The following TSKS variants were observed in gnomAD, a reference collection of about 807,000 sequenced individuals.
TSKS encodes testis specific serine kinase substrate, also known as testis-specific serine kinase substrate.
Under a neutral mutation model 68.0 loss-of-function variants are expected in TSKS, and 27 were observed. That is an observed-to-expected ratio of 0.40 (90% CI 0.29 to 0.55). The LOEUF is 0.55. Ranked by LOEUF, TSKS falls within the 20% of genes least tolerant of loss-of-function variation. The pLI, the probability that TSKS is intolerant of heterozygous loss-of-function variation, is 0.53. For synonymous variants in TSKS, 331 were observed against 340.4 expected, an observed-to-expected ratio of 0.97 and a Z score of 0.30; for missense variants, 806 against 776.0, an observed-to-expected ratio of 1.04 and a Z score of -0.46.
chr19:49,754,866 A>C (rs371920652), intron 2 of TSKS, among the ~76,000 whole-genome samples: 3 of 152,126 alleles, frequency 2.0e-5, no homozygotes, highest in African/African-American at 7.2e-5. Context: ...TTGGGAGGCC[A>C]AGGCAGGCGG....
intron 2 of TSKS, among the ~76,000 whole-genome samples, chr19:49,759,163 AT>A (rs949794426): frequency 2.0e-5 from 3 of 151,202 alleles, no homozygotes; most frequent in African/African-American, 7.3e-5. Context: ...GGCCTCAAAT[AT>A]TTTTTTAAAA....
chr19:49,749,417 C>T (rs1461541090), intron 2 of TSKS, among the ~76,000 whole-genome samples: 3 of 152,236 alleles, frequency 2.0e-5, no homozygotes, highest in Non-Finnish European at 2.9e-5. Context: ...AAGTGTTGTG[C>T]GACTCCTGCC....
chr19:49,743,085 G>GT (rs768515300), intron 8 of TSKS, among the ~76,000 whole-genome samples: 2,296 of 142,994 alleles, frequency 0.016, 51 homozygotes, highest in African/African-American at 0.046. Context: ...TGTACTAAGT[G>GT]TTTTTTTTTT....
Position 49,748,070 on chromosome 19 carries a change from G to A in TSKS, c.579+15C>T, listed in dbSNP as rs543117864. On this transcript the variant is annotated intron_variant, in intron 4 of 10. Transcript: ENST00000246801. ...TTCCCCTCTCCCCATCCATTCCTGCGTCCCACTGGCTCACCTTGAGTTGAA... is the reference window on the plus strand; with the variant it reads ...TTCCCCTCTCCCCATCCATTCCTGCATCCCACTGGCTCACCTTGAGTTGAA... The A allele has an allele frequency of 1.7e-5, 27 of 1,612,678 alleles. No homozygotes were observed. Among genetic ancestry groups the A allele is most frequent in the South Asian group, 9.9e-5 (9 of 91,018 alleles).
Position 49,744,368 on chromosome 19 carries a change from C to G in TSKS, c.1224G>C (p.Arg408Ser). 1 of 1,614,082 alleles carries G rather than the reference C, an allele frequency of 6.2e-7. No individual in the cohort carries two copies. The highest frequency in any genetic ancestry group is 8.5e-7 in the Non-Finnish European group (1 of 1,180,022). The change falls in exon 8 of 11, where the codon AGG becomes AGC. Residue 408 changes from arginine to serine, a missense_variant. Coordinates refer to ENST00000246801, the MANE Select transcript of TSKS (RefSeq NM_021733.2). Reference sequence around the variant, plus strand: ...GTGGGCCCAGCCCCTCCAGTTCGCTCCTCAGTGAAGCCACAGACACTGCTG... The same window carrying G: ...GTGGGCCCAGCCCCTCCAGTTCGCTGCTCAGTGAAGCCACAGACACTGCTG... The part of the protein sequence containing the change: ...ERSAVSVASL[R>S]SELEGLGPLK...
chr19:49,751,766 T>C (rs1442775430), intron 2 of TSKS, among the ~76,000 whole-genome samples: 1 of 151,742 alleles, frequency 6.6e-6, no homozygotes, highest in East Asian at 1.9e-4. Context: ...AATCTCATGT[T>C]AAAATGTCAT....
chr19:49,762,361 GT>G (rs1414967585), intron 1 of TSKS, 129 bp from the exon 2 acceptor site: 10 of 630,954 alleles, frequency 1.6e-5, no homozygotes, highest in Non-Finnish European at 1.9e-5. Context: ...TCCCTTCTCT[GT>G]CCCCGCTGCC....
chr19:49,758,659 T>G (rs765851708), intron 2 of TSKS, among the ~76,000 whole-genome samples: 22 of 152,186 alleles, frequency 1.4e-4, no homozygotes, highest in East Asian at 1.4e-3. Flanking sequence ...CCCTGGACCC[T>G]CGCCCAGGCT....
rs769543058 is a variant in TSKS at position 49,748,389 on chromosome 19, G to C, written c.480C>G (p.His160Gln). 2 of 1,614,090 alleles carry C rather than the reference G, an allele frequency of 1.2e-6. No homozygotes were observed. Among genetic ancestry groups the C allele is most frequent in the Admixed American group, 3.3e-5 (2 of 60,002 alleles). The change falls in exon 3 of 11, where the codon CAC becomes CAG. Residue 160 changes from histidine to glutamine, a missense_variant. Physicochemically the swap from His to Gln is conservative, Grantham distance 24 (BLOSUM62 0). Transcript: ENST00000246801. ...GTCCTCACACCTGCAGAGACTGCAC[G>C]TGCTGGTTAACCCGGTTGGTCTTTT... is the stretch of plus-strand genomic sequence containing the variant. ...LKEKTNRVNQ[H>Q]VQSLQSECSV... is the part of the protein sequence containing the mutation.
chr19:49,760,090 G>T (rs894420215), intron 2 of TSKS, among the ~76,000 whole-genome samples: 10 of 151,820 alleles, frequency 6.6e-5, no homozygotes, highest in Non-Finnish European at 4.4e-5. Flanking sequence ...GGTGGAGTTT[G>T]CAGTGAGCCA....
At chr19:49,745,631 C>T (rs891882651) in intron 6 of TSKS, among the ~76,000 whole-genome samples, 3 of 152,098 alleles carry the variant, frequency 2.0e-5, no homozygotes, top group African/African-American at 7.2e-5. Flanking sequence ...TGGCCCTTTC[C>T]TGGTCAGGTC....
At position 49,740,049 on chromosome 19, in the gene TSKS, C is replaced by T. The variant is rs1454130475; in HGVS notation, c.1622+10G>A. On this transcript the variant is annotated intron_variant, in intron 10 of 10. Coordinates refer to ENST00000246801, the MANE Select transcript of TSKS (RefSeq NM_021733.2). ...CACCCTCCTCCCATGCCCTCAGCCT[C>T]CTTCCTCACTCTGGCTTCATCTTGT... 3.7e-6 allele frequency: 6 copies of T among 1,614,038 alleles called. No individual in the cohort carries two copies. The highest frequency in any genetic ancestry group is 5.1e-6 in the Non-Finnish European group (6 of 1,180,052).
Position 49,744,323 on chromosome 19 carries a change from C to T in TSKS, c.1269G>A (p.Glu423=), listed in dbSNP as rs150822760. ...GAGAGTTCTGAAATTGCCGCCCGAA[C>T]TCCTCCAGAATGGGTTTCAGTGGGC... ...GLGPLKPILE[E]FGRQFQNSRR... Residue 423 remains glutamate (E), a synonymous_variant, in exon 8 of 11, where the codon GAG becomes GAA. Coordinates refer to ENST00000246801, the MANE Select transcript of TSKS (RefSeq NM_021733.2). 6,626 of 1,614,140 alleles carry T rather than the reference C, an allele frequency of 4.1e-3. 18 individuals carry two copies. Among genetic ancestry groups the T allele is most frequent in the Non-Finnish European group, 5.4e-3 (6,355 of 1,180,024 alleles).
At chr19:49,750,492 C>T (rs774765449) in intron 2 of TSKS, among the ~76,000 whole-genome samples, 11 of 151,938 alleles carry the variant, frequency 7.2e-5, no homozygotes, top group South Asian at 2.1e-4. Context: ...CTCCTGACCT[C>T]GTGATTCACC....
chr19:49,744,397 G>T lies in TSKS; in HGVS notation c.1195C>A (p.Arg399=). The T allele has an allele frequency of 6.2e-7, 1 of 1,613,274 alleles. No individual in the cohort carries two copies. Among genetic ancestry groups the T allele is most frequent in the Non-Finnish European group, 8.5e-7 (1 of 1,179,392 alleles). Residue 399 remains arginine, a synonymous_variant, in exon 8 of 11, where the codon CGG becomes AGG. Coordinates refer to ENST00000246801, the MANE Select transcript of TSKS (RefSeq NM_021733.2). ...AGTGAAGCCACAGACACTGCTGACC[G>T]CTCCACCCTGAGGCATGAGTAACCA... ...RADELCTMVE[R]SAVSVASLRS...
At position 49,747,383 on chromosome 19, in the gene TSKS, C is replaced by T. The variant is rs1402790657; in HGVS notation, c.663+6G>A. 6.2e-7 allele frequency: 1 copy of T among 1,614,216 alleles called. No individual in the cohort carries two copies. Among genetic ancestry groups the T allele is most frequent in the East Asian group, 2.2e-5 (1 of 44,874 alleles). On this transcript the variant is annotated splice_donor_region_variant and intron_variant, in intron 5 of 10. Coordinates refer to ENST00000246801, the MANE Select transcript of TSKS (RefSeq NM_021733.2). ...ACAAATCCTGGGACTGCCCCCTAGC[C>T]CTTACCTCCAGCAGGGCAGAATTCT...
chr19:49,752,811 G>A (rs1447620462), intron 2 of TSKS, among the ~76,000 whole-genome samples: 47 of 152,176 alleles, frequency 3.1e-4, no homozygotes, highest in Non-Finnish European at 7.3e-5. Context: ...CCTGTGTAGG[G>A]TTGTGTACAT....
chr19:49,740,218 T>C, intron 9 of TSKS, 35 bp from the exon 10 acceptor site: 12 of 1,592,186 alleles, frequency 7.5e-6, no homozygotes, highest in Non-Finnish European at 1.0e-5. Context: ...CTGGGCTTGC[T>C]GGACTGGGCT....
chr19:49,746,578 G>A lies in TSKS; in HGVS notation c.884C>T (p.Pro295Leu). 1.9e-6 allele frequency: 3 copies of A among 1,612,642 alleles called. No homozygotes were observed. The highest frequency in any genetic ancestry group is 2.5e-6 in the Non-Finnish European group (3 of 1,179,492). ...CCAGCCTGCGGGGACCAGGCCGTGT[G>A]GCCGCGAGGGTTTGTCGGGACTCCC... ...PPGSPDKPSR[P>L]HGLVPAGWGM... The change falls in exon 6 of 11, where the codon CCA becomes CTA. Residue 295 changes from proline (P) to leucine (L), a missense_variant. Pro to Leu is a moderately conservative substitution (Grantham distance 98). Transcript: ENST00000246801.
Sources: gnomAD v4.1 joint callset for allele counts (sites outside exome capture counted in the v4.1 genomes callset) on GRCh38, gnomAD v4.1.1 for gene constraint, MANE v1.5 for transcripts, NCBI Gene and HGNC (gene_info 2026-07-23, HGNC 2026-07-21) for gene names.